ANKRD17: variants seen among roughly 807,000 people sequenced by gnomAD.
The protein encoded by ANKRD17 is ankyrin repeat domain-containing protein 17.
In ANKRD17, 19 loss-of-function variants were observed where a neutral mutation model predicts 229.7. The ratio of observed to expected loss-of-function variants is 0.08; its 90% confidence interval spans 0.06 to 0.12. The LOEUF (loss-of-function observed/expected upper bound fraction) is 0.12. Ranked by LOEUF, ANKRD17 falls within the 10% of genes least tolerant of loss-of-function variation. The probability of loss-of-function intolerance (pLI) is 1.00; values close to 1 mark genes in which losing one functional copy is unlikely to be tolerated. For missense variants in ANKRD17, 2,176 were observed against 3,176.8 expected (o/e 0.68, Z 7.57); for synonymous variants, 1,112 against 1,146.1 (o/e 0.97, Z 0.60).
chr4:73,230,701 G>A (rs994928180), intron 1 of ANKRD17, among the ~76,000 whole-genome samples: 1 of 152,148 alleles, frequency 6.6e-6, no homozygotes, highest in African/African-American at 2.4e-5. Context: ...ATCCAGATGT[G>A]TCCTATGTAC....
chr4:73,237,802 C>A (rs1250142208), intron 1 of ANKRD17, among the ~76,000 whole-genome samples: 1 of 152,114 alleles, frequency 6.6e-6, no homozygotes, highest in Non-Finnish European at 1.5e-5. Context: ...ATCTCTCCCT[C>A]TTTATTAACA....
rs1414237068 is a variant in ANKRD17 at position 73,142,647 on chromosome 4, C to T, written c.2078G>A (p.Arg693His). Residue 693 changes from arginine (R) to histidine (H), a missense_variant, in exon 12 of 34, where the codon CGT (arginine) becomes CAT (histidine). By Grantham distance (29) the Arg-to-His change is conservative (BLOSUM62 0). Coordinates refer to ENST00000358602, the MANE Select transcript of ANKRD17 (RefSeq NM_032217.5). ...LLAHGADPTH[R>H]LKDGSTMLIE... ...AACATTTGAGTTACATACTTTCAAACGGTGAGTAGGATCTGCCCCATGAGC... is the reference window on the plus strand; with the variant it reads ...AACATTTGAGTTACATACTTTCAAATGGTGAGTAGGATCTGCCCCATGAGC... 6.8e-6 allele frequency: 11 copies of T among 1,613,870 alleles called. No homozygotes were observed. Among genetic ancestry groups the T allele is most frequent in the Admixed American group, 1.7e-5 (1 of 59,970 alleles).
intron 30 of ANKRD17, among the ~76,000 whole-genome samples, chr4:73,084,661 C>T (rs1450448204): frequency 2.6e-5 from 4 of 152,052 alleles, no homozygotes; most frequent in African/African-American, 9.7e-5. Flanking sequence ...GTTGGCCGAG[C>T]TGGTCTTGAA....
intron 1 of ANKRD17, among the ~76,000 whole-genome samples, chr4:73,181,537 T>C (rs1735544255): frequency 6.6e-6 from 1 of 152,082 alleles, no homozygotes; most frequent in South Asian, 2.1e-4. Context: ...CTTATAAACA[T>C]ACAAAAATAA....
intron 22 of ANKRD17, among the ~76,000 whole-genome samples, chr4:73,117,795 T>C (rs947081938): frequency 6.6e-6 from 1 of 152,200 alleles, no homozygotes; most frequent in Admixed American, 6.5e-5. Flanking sequence ...AAACTAAAGC[T>C]GGATTTAAGA....
At chr4:73,104,268 G>C (rs1022534769) in intron 24 of ANKRD17, among the ~76,000 whole-genome samples, 1 of 152,152 alleles carries the variant, frequency 6.6e-6, no homozygotes, top group Non-Finnish European at 1.5e-5. Flanking sequence ...TTACTCCCTG[G>C]ATCACCACAA....
chr4:73,183,855 T>C (rs1735913565), intron 1 of ANKRD17, among the ~76,000 whole-genome samples: 1 of 152,216 alleles, frequency 6.6e-6, no homozygotes, highest in Admixed American at 6.5e-5. Context: ...CATTTCACTG[T>C]AGAAGTTGCT....
chr4:73,164,569 T>C (rs919998595), intron 2 of ANKRD17, among the ~76,000 whole-genome samples: 3 of 152,120 alleles, frequency 2.0e-5, no homozygotes, highest in Non-Finnish European at 2.9e-5. Context: ...GGCGGGTGGA[T>C]TTCCTGAGCT....
chr4:73,135,992 A>C (rs977959087), intron 15 of ANKRD17, among the ~76,000 whole-genome samples: 2 of 152,172 alleles, frequency 1.3e-5, no homozygotes, highest in Non-Finnish European at 2.9e-5. Flanking sequence ...ACATTCTTCA[A>C]ATATGGATTA....
chr4:73,144,608 C>T (rs1730018028), intron 11 of ANKRD17, 137 bp downstream of exon 11: 2 of 461,164 alleles, frequency 4.3e-6, no homozygotes, highest in Non-Finnish European at 7.5e-6. Flanking sequence ...CAACTATCCA[C>T]TCAATCATTA....
At chr4:73,090,246 C>A (rs773016763) in intron 29 of ANKRD17, among the ~76,000 whole-genome samples, 1 of 152,052 alleles carries the variant, frequency 6.6e-6, no homozygotes, top group African/African-American at 2.4e-5. Context: ...CCCATCTCTA[C>A]TAAAAATACA....
At chr4:73,232,906 A>G (rs1335098964) in intron 1 of ANKRD17, among the ~76,000 whole-genome samples, 4 of 152,158 alleles carry the variant, frequency 2.6e-5, no homozygotes, top group Non-Finnish European at 5.9e-5. Flanking sequence ...TATTTTTAGT[A>G]GAGACAGGAT....
chr4:73,117,445 T>C (rs1044629316), intron 22 of ANKRD17, among the ~76,000 whole-genome samples: 1 of 152,132 alleles, frequency 6.6e-6, no homozygotes, highest in African/African-American at 2.4e-5. Flanking sequence ...TTCTCTAATA[T>C]AGTAGAGTGG....
intron 11 of ANKRD17, among the ~76,000 whole-genome samples, chr4:73,143,884 G>A (rs1193933301): frequency 1.3e-5 from 2 of 152,082 alleles, no homozygotes; most frequent in East Asian, 1.9e-4. Context: ...GGCACTACAG[G>A]TGCAAGCCAC....
intron 10 of ANKRD17, among the ~76,000 whole-genome samples, 160 bp downstream of exon 10, chr4:73,146,604 G>GA (rs1298246771): frequency 1.3e-5 from 2 of 151,148 alleles, no homozygotes; most frequent in South Asian, 4.2e-4. Flanking sequence ...AAACAGTGTG[G>GA]AAAAAAATGT....
chr4:73,179,081 ACT>A (rs1735103658), intron 1 of ANKRD17, among the ~76,000 whole-genome samples: 1 of 152,130 alleles, frequency 6.6e-6, no homozygotes, highest in African/African-American at 2.4e-5. Flanking sequence ...CAGAAACGAT[ACT>A]GTTCCATCTT....
chr4:73,123,236 A>C (rs1472016290), intron 18 of ANKRD17, among the ~76,000 whole-genome samples: 3 of 152,084 alleles, frequency 2.0e-5, no homozygotes, highest in Non-Finnish European at 4.4e-5. Context: ...GTATTTTTTC[A>C]AGCTAAATAA....
At position 73,135,219 on chromosome 4, in the gene ANKRD17, A is replaced by C; in HGVS notation, c.3132T>G (p.Ser1044Arg). The change falls in exon 16 of 34, where the codon AGT becomes AGG. Residue 1044 changes from serine (S) to arginine (R), a missense_variant. Coordinates refer to ENST00000358602, the MANE Select transcript of ANKRD17 (RefSeq NM_032217.5). The part of the protein sequence containing the change: ...ASAMSNTPTH[S>R]IAASISQPQT... ...GAGGTTGGGAAATGGATGCAGCAATACTGTGGGTAGGAGTGTTTGACATTG... is the reference window on the plus strand; with the variant it reads ...GAGGTTGGGAAATGGATGCAGCAATCCTGTGGGTAGGAGTGTTTGACATTG... The C allele has an allele frequency of 6.2e-7, 1 of 1,613,894 alleles. No individual in the cohort carries two copies. The highest frequency in any genetic ancestry group is 1.1e-5 in the South Asian group (1 of 91,076).
chr4:73,117,197 A>G (rs1456330292), intron 22 of ANKRD17, among the ~76,000 whole-genome samples: 1 of 152,184 alleles, frequency 6.6e-6, no homozygotes, highest in Non-Finnish European at 1.5e-5. Context: ...ATAACTAAAG[A>G]ATGAGTAACT....
Sources: gnomAD v4.1 joint callset for allele counts (sites outside exome capture counted in the v4.1 genomes callset) on GRCh38, gnomAD v4.1.1 for gene constraint, MANE v1.5 for transcripts, NCBI Gene and HGNC (gene_info 2026-07-23, HGNC 2026-07-21) for gene names.